The following IFT81 variants were observed in gnomAD, a reference collection of about 807,000 sequenced individuals.
IFT81 encodes intraflagellar transport protein 81 homolog.
In IFT81, 72 loss-of-function variants were observed where a neutral mutation model predicts 102.6. The observed-to-expected ratio is 0.70, with a 90% CI of 0.58 to 0.85. The LOEUF is 0.85. IFT81 is among the 40% of genes least tolerant of loss of function. The pLI is 0.00. For synonymous variants in IFT81, 237 were observed against 242.7 expected (o/e 0.98, Z 0.22); for missense variants, 723 against 787.3 (o/e 0.92, Z 0.98).
intron 10 of IFT81, among the ~76,000 whole-genome samples, chr12:110,159,338 TG>T (rs1324047592): frequency 1.3e-5 from 2 of 152,032 alleles, no homozygotes. Context: ...TGTGTACCTG[TG>T]GTCTCAGCTA....
chr12:110,165,213 A>G (rs570208942), intron 11 of IFT81, among the ~76,000 whole-genome samples: 5 of 152,336 alleles, frequency 3.3e-5, no homozygotes, highest in African/African-American at 1.2e-4. Context: ...GCAGTTACCT[A>G]AAAGAACAGA....
chr12:110,164,014 C>T (rs1034288555), intron 11 of IFT81, among the ~76,000 whole-genome samples: 1 of 151,898 alleles, frequency 6.6e-6, no homozygotes, highest in African/African-American at 2.4e-5. Flanking sequence ...ACAGATAATA[C>T]AAAAATCTAT....
At chr12:110,130,195 A>T (rs555451652) in intron 4 of IFT81, among the ~76,000 whole-genome samples, 2 of 152,296 alleles carry the variant, frequency 1.3e-5, no homozygotes, top group Admixed American at 6.5e-5. Context: ...CAGATGTCAC[A>T]GTAGATGCCA....
chr12:110,188,615 T>TA (rs1334237494), intron 12 of IFT81, among the ~76,000 whole-genome samples: 1 of 151,560 alleles, frequency 6.6e-6, no homozygotes, highest in Non-Finnish European at 1.5e-5. Flanking sequence ...TTTTCGCACT[T>TA]ACCATTCCAC....
chr12:110,196,493 C>G (rs1359260735), intron 14 of IFT81, among the ~76,000 whole-genome samples: 1 of 152,160 alleles, frequency 6.6e-6, no homozygotes, highest in East Asian at 1.9e-4. Context: ...GTGCTCCATC[C>G]TGGGTGACAG....
At chr12:110,190,410 T>C (rs1476805487) in intron 12 of IFT81, among the ~76,000 whole-genome samples, 2 of 152,208 alleles carry the variant, frequency 1.3e-5, no homozygotes, top group Admixed American at 6.5e-5. Context: ...GATCATCTTC[T>C]CTAACCACCT....
chr12:110,128,034 T>C lies in IFT81; in HGVS notation c.145-12T>C. 6.3e-7 allele frequency: 1 copy of C among 1,581,376 alleles called. No individual in the cohort carries two copies. On this transcript the variant is annotated splice_polypyrimidine_tract_variant and intron_variant, in intron 2 of 18. Coordinates refer to ENST00000242591, the MANE Select transcript of IFT81 (RefSeq NM_014055.4). Reference sequence around the variant, plus strand: ...TACAACAATAACATGTTTTTTTCAATTTCTTTGTTAGCAACTTGTGGATAT... The same window carrying C: ...TACAACAATAACATGTTTTTTTCAACTTCTTTGTTAGCAACTTGTGGATAT...
chr12:110,143,144 T>C (rs1894997511), intron 8 of IFT81, among the ~76,000 whole-genome samples: 1 of 152,152 alleles, frequency 6.6e-6, no homozygotes, highest in Non-Finnish European at 1.5e-5. Flanking sequence ...GAAAGGGTCA[T>C]AATAGCACTT....
chr12:110,131,241 C>T (rs190430905), intron 4 of IFT81, among the ~76,000 whole-genome samples: 1 of 152,124 alleles, frequency 6.6e-6, no homozygotes, highest in Admixed American at 6.5e-5. Flanking sequence ...TGTGATCGCA[C>T]CACTGCACTC....
chr12:110,215,844 A>C (rs985065777), intron 18 of IFT81, among the ~76,000 whole-genome samples: 2 of 152,010 alleles, frequency 1.3e-5, no homozygotes, highest in African/African-American at 4.8e-5. Flanking sequence ...AAAATTTTAG[A>C]GTCAATGAGT....
intron 14 of IFT81, among the ~76,000 whole-genome samples, chr12:110,196,246 T>C (rs1354764073): frequency 1.3e-5 from 2 of 152,056 alleles, no homozygotes; most frequent in Non-Finnish European, 2.9e-5. Context: ...AGACCAGGTG[T>C]GGTGGTTCAT....
At chr12:110,169,981 C>T (rs1037111065) in intron 11 of IFT81, among the ~76,000 whole-genome samples, 1 of 151,972 alleles carries the variant, frequency 6.6e-6, no homozygotes, top group Admixed American at 6.6e-5. Context: ...GAGATGGAGT[C>T]TTGCTCTGTT....
chr12:110,159,238 A>T (rs1027346451), intron 10 of IFT81, among the ~76,000 whole-genome samples: 1 of 152,098 alleles, frequency 6.6e-6, no homozygotes, highest in African/African-American at 2.4e-5. Flanking sequence ...GGAGACCAAG[A>T]TGTGTGGTTG....
intron 9 of IFT81, 42 bp from the exon 10 acceptor site, chr12:110,146,911 G>T: frequency 6.4e-7 from 1 of 1,565,742 alleles, no homozygotes; most frequent in South Asian, 1.2e-5. Context: ...GTACTTATAG[G>T]GAAAGTTTTA....
chr12:110,184,822 C>G (rs1270885447), intron 12 of IFT81, among the ~76,000 whole-genome samples: 1 of 152,200 alleles, frequency 6.6e-6, no homozygotes, highest in Admixed American at 6.5e-5. Context: ...TACTGCTGTA[C>G]TCAGTCATTG....
chr12:110,140,696 G>A (rs907347460), intron 8 of IFT81, among the ~76,000 whole-genome samples: 1 of 151,926 alleles, frequency 6.6e-6, no homozygotes, highest in African/African-American at 2.4e-5. Context: ...ATTACAGTGT[G>A]ATTTATTTAT....
At chr12:110,176,513 T>G (rs1233975807) in intron 11 of IFT81, among the ~76,000 whole-genome samples, 2 of 152,264 alleles carry the variant, frequency 1.3e-5, no homozygotes, top group Admixed American at 1.3e-4. Flanking sequence ...ACTTGTGTTT[T>G]ATAAGTCTGA....
chr12:110,207,076 C>G (rs1454310582), intron 17 of IFT81, among the ~76,000 whole-genome samples: 2 of 151,866 alleles, frequency 1.3e-5, no homozygotes, highest in Non-Finnish European at 2.9e-5. Context: ...GTCACCCAGG[C>G]TGGAGTGCAG....
Position 110,139,846 on chromosome 12 carries a change from A to T in IFT81, c.781+2986A>T, listed in dbSNP as rs868260867. Among the ~76,000 whole-genome samples the T allele has an allele frequency of 1.5e-3, 192 of 125,066 alleles. 1 individual carries two copies. Among genetic ancestry groups the T allele is most frequent in the African/African-American group, 2.7e-3 (80 of 29,832 alleles). The allele number at this position is 125,066 out of a possible 152,430, so 82.0% of individuals were successfully genotyped here. A position where few individuals can be genotyped will look rare whatever the true frequency, so the allele number is the denominator to read the frequency against. On this transcript the variant is annotated intron_variant, in intron 8 of 18. Coordinates refer to ENST00000242591, the MANE Select transcript of IFT81 (RefSeq NM_014055.4). Reference sequence around the variant, plus strand: ...ATAAAATAAAATAAAATAAAATAAAATAAATAAAATAAAATAAAATATAAA... The same window carrying T: ...ATAAAATAAAATAAAATAAAATAAATTAAATAAAATAAAATAAAATATAAA...
Sources: allele counts gnomAD v4.1 joint callset (sites outside exome capture counted in the v4.1 genomes callset), GRCh38; gene constraint gnomAD v4.1.1; transcripts MANE v1.5; gene names NCBI Gene and HGNC (gene_info 2026-07-23, HGNC 2026-07-21).